ABCA9: variants seen among roughly 807,000 people sequenced by gnomAD.
ABCA9 encodes ATP binding cassette subfamily A member 9, also known as ATP-binding cassette sub-family A member 9.
A neutral mutation model predicts 205.3 loss-of-function variants in ABCA9; 183 were observed. The observed-to-expected ratio is 0.89, with a 90% CI of 0.79 to 1.01. ABCA9 has a LOEUF of 1.01. Among genes scored for constraint, ABCA9 ranks in the 50% least tolerant of loss-of-function variants. The pLI is 0.00. For missense variants in ABCA9, 1,805 were observed against 1,912.4 expected, an observed-to-expected ratio of 0.94 and a Z score of 1.05; for synonymous variants, 651 against 683.3, an observed-to-expected ratio of 0.95 and a Z score of 0.74.
chr17:69,008,518 C>T (rs2070249748), intron 23 of ABCA9, among the ~76,000 whole-genome samples: 1 of 152,204 alleles, frequency 6.6e-6, no homozygotes, highest in Non-Finnish European at 1.5e-5. Context: ...GACATCTTTT[C>T]TTTGCAAGAC....
intron 28 of ABCA9, among the ~76,000 whole-genome samples, chr17:68,991,905 A>C (rs1432680070): frequency 1.3e-5 from 2 of 152,258 alleles, no homozygotes; most frequent in Middle Eastern, 3.4e-3. Context: ...ATTATTTTAG[A>C]GATTCCACCT....
At chr17:69,039,876 C>T (rs758896091) in intron 6 of ABCA9, among the ~76,000 whole-genome samples, 4 of 151,994 alleles carry the variant, frequency 2.6e-5, no homozygotes, top group Non-Finnish European at 4.4e-5. Context: ...ACTAACAACC[C>T]ATCAAAAAGT....
At chr17:69,061,212 T>G (rs1179042458), upstream of ABCA9, 1 of 953,174 alleles carries the variant, frequency 1.0e-6, no homozygotes, top group Non-Finnish European at 1.2e-6. Flanking sequence ...TCTCAATCGG[T>G]CTTTTCATAC....
chr17:69,032,406 G>T (rs1235668488), intron 9 of ABCA9, 130 bp from the exon 10 acceptor site: 2 of 796,374 alleles, frequency 2.5e-6, no homozygotes, highest in Non-Finnish European at 3.8e-6. Flanking sequence ...ATTAATTACT[G>T]TTTTAATGTG....
At chr17:69,003,339 C>G (rs2069964174) in intron 25 of ABCA9, among the ~76,000 whole-genome samples, 1 of 150,608 alleles carries the variant, frequency 6.6e-6, no homozygotes, top group Admixed American at 6.6e-5. Flanking sequence ...TCAGCATTTG[C>G]TTGTCTGTAA....
chr17:69,044,992 A>G (rs897136698), intron 4 of ABCA9, among the ~76,000 whole-genome samples, 180 bp downstream of exon 4: 1 of 152,186 alleles, frequency 6.6e-6, no homozygotes, highest in Non-Finnish European at 1.5e-5. Context: ...TCTTAATAAA[A>G]CAATGTACTT....
the ABCA9 span, among the ~76,000 whole-genome samples, chr17:69,075,025 G>T: frequency 6.6e-6 from 1 of 152,030 alleles, no homozygotes; most frequent in Non-Finnish European, 1.5e-5. Context: ...TTTCATGTTT[G>T]TTGACTGCTT....
chr17:69,000,170 C>T (rs1436805737), intron 25 of ABCA9, among the ~76,000 whole-genome samples: 1 of 151,814 alleles, frequency 6.6e-6, no homozygotes, highest in Admixed American at 6.6e-5. Flanking sequence ...GTTGCCATTG[C>T]TTTTGGTGTT....
At position 68,989,827 on chromosome 17, in the gene ABCA9, A is replaced by G; in HGVS notation, c.3941T>C (p.Phe1314Ser). 6.3e-7 allele frequency: 1 copy of G among 1,591,476 alleles called. No homozygotes were observed. The highest frequency in any genetic ancestry group is 8.6e-7 in the Non-Finnish European group (1 of 1,160,192). The change falls in exon 30 of 39, where the codon TTT becomes TCT. Residue 1314 changes from phenylalanine (F) to serine (S), a missense_variant. Physicochemically the swap from Phe to Ser is radical, Grantham distance 155 (BLOSUM62 -2). Transcript: ENST00000340001. ...KKKIATRNVSFCVKKGEVIGL... is the reference protein window; with the variant it reads ...KKKIATRNVSSCVKKGEVIGL... ...CTGTTTCCAACCTTTTTTAACACAA[A>G]AAGAGACATTTCTTGTGGCAATTTT...
At chr17:69,018,058 A>G (rs998131303) in intron 20 of ABCA9, 10 of 406,828 alleles carry the variant, frequency 2.5e-5, no homozygotes, top group African/African-American at 8.3e-5. Context: ...CCTTGAAGCT[A>G]TTAATAGTCT....
intron 6 of ABCA9, among the ~76,000 whole-genome samples, chr17:69,041,821 GA>G (rs2071554446): frequency 6.6e-6 from 1 of 151,918 alleles, no homozygotes; most frequent in Non-Finnish European, 1.5e-5. Flanking sequence ...GGACATCAGA[GA>G]AAAACTTTCA....
At chr17:69,062,451 C>G (rs2072281174), upstream of ABCA9, among the ~76,000 whole-genome samples, 1 of 151,822 alleles carries the variant, frequency 6.6e-6, no homozygotes, top group Non-Finnish European at 1.5e-5. Context: ...ACAGAGCAAG[C>G]TCCCTCTCAT....
intron 37 of ABCA9, among the ~76,000 whole-genome samples, chr17:68,978,433 C>G (rs1234600177): frequency 1.3e-5 from 2 of 152,102 alleles, no homozygotes; most frequent in African/African-American, 4.8e-5. Context: ...ATTTGCCAGT[C>G]TGTGTCTTTT....
chr17:68,978,904 C>T (rs2068960554), intron 37 of ABCA9, among the ~76,000 whole-genome samples: 1 of 151,998 alleles, frequency 6.6e-6, no homozygotes, highest in Non-Finnish European at 1.5e-5. Context: ...TCTCACCACT[C>T]CTATTCAACA....
intron 25 of ABCA9, among the ~76,000 whole-genome samples, chr17:69,002,633 C>T (rs1257255273): frequency 6.6e-6 from 1 of 151,968 alleles, no homozygotes; most frequent in Non-Finnish European, 1.5e-5. Flanking sequence ...TCTATTAGGT[C>T]CGCTTGGTGC....
intron 1 of ABCA9, among the ~76,000 whole-genome samples, chr17:69,056,562 A>G (rs562848708): frequency 2.0e-4 from 30 of 152,300 alleles, no homozygotes; most frequent in Middle Eastern, 3.4e-3. Flanking sequence ...TCCCCAGTGA[A>G]TGGGTTCACT....
At chr17:69,060,365 T>G (rs867161330) in intron 1 of ABCA9, among the ~76,000 whole-genome samples, 8 of 152,074 alleles carry the variant, frequency 5.3e-5, no homozygotes, top group South Asian at 2.1e-4. Context: ...ACAAATTAGA[T>G]CAAAATTTTA....
At chr17:68,993,142 T>G (rs2069509905) in intron 26 of ABCA9, 58 bp from the exon 27 acceptor site, 4 of 1,436,978 alleles carry the variant, frequency 2.8e-6, no homozygotes, top group Non-Finnish European at 3.9e-6. Flanking sequence ...TCATGGAATT[T>G]ATCCCACTTA....
intron 26 of ABCA9, 25 bp downstream of exon 26, chr17:68,995,870 C>T (rs2069602371): frequency 6.2e-7 from 1 of 1,612,168 alleles, no homozygotes. Flanking sequence ...TTTCATGACC[C>T]TCAGACAGAA....
Sources: allele counts gnomAD v4.1 joint callset (sites outside exome capture counted in the v4.1 genomes callset), GRCh38; gene constraint gnomAD v4.1.1; transcripts MANE v1.5; gene names NCBI Gene and HGNC (gene_info 2026-07-23, HGNC 2026-07-21).